The following BPTF variants were observed in gnomAD, a reference collection of about 807,000 sequenced individuals.
The protein encoded by BPTF is bromodomain PHD finger transcription factor, also known as nucleosome-remodeling factor subunit BPTF.
A neutral mutation model predicts 292.5 loss-of-function variants in BPTF; 18 were observed. That is an observed-to-expected ratio of 0.06 (90% CI 0.04 to 0.09). BPTF has a LOEUF of 0.09. Among genes scored for constraint, BPTF ranks in the 10% least tolerant of loss-of-function variants. BPTF has a pLI of 1.00. For missense variants in BPTF, 2,726 were observed against 3,498.7 expected (o/e 0.78, Z 5.57); for synonymous variants, 1,225 against 1,251.9 (o/e 0.98, Z 0.45).
rs2070561460 is a variant in BPTF at position 67,982,736 on chromosome 17, T to C, written c.*448T>C. ...TTGCTGCCCTCATTTGTCAGCTAATTATTTTTTCTTATAAAATCCAGCCCC... is the reference window on the plus strand; with the variant it reads ...TTGCTGCCCTCATTTGTCAGCTAATCATTTTTTCTTATAAAATCCAGCCCC... On this transcript the variant is annotated 3_prime_UTR_variant, in exon 28 of 28. Transcript: ENST00000306378. The C allele has an allele frequency of 6.5e-6, 1 of 153,466 alleles. No homozygotes were observed. The highest frequency in any genetic ancestry group is 6.5e-5 in the Admixed American group (1 of 15,326). 9.5% of individuals were successfully genotyped at this position (153,466 alleles called of 1,614,324 possible).
chr17:67,950,169 C>A (rs945079328), intron 23 of BPTF, among the ~76,000 whole-genome samples: 19 of 151,208 alleles, frequency 1.3e-4, no homozygotes, highest in Non-Finnish European at 2.5e-4. Context: ...GAGGCCGAGG[C>A]GGGCAGATCA....
intron 5 of BPTF, among the ~76,000 whole-genome samples, chr17:67,892,568 A>G (rs1409637659): frequency 6.6e-6 from 1 of 152,226 alleles, no homozygotes; most frequent in East Asian, 1.9e-4. Context: ...TGGTGACAGG[A>G]CATGGTCCCA....
At chr17:67,864,196 A>G (rs553689719) in intron 2 of BPTF, among the ~76,000 whole-genome samples, 2 of 152,204 alleles carry the variant, frequency 1.3e-5, no homozygotes, top group Non-Finnish European at 2.9e-5. Flanking sequence ...TTTTGATTAT[A>G]TAAACTGTAT....
chr17:67,855,917 C>T (rs1474811896), intron 2 of BPTF, among the ~76,000 whole-genome samples: 18 of 152,200 alleles, frequency 1.2e-4, no homozygotes, highest in Non-Finnish European at 4.4e-5. Flanking sequence ...TGGAAGCTTA[C>T]GGAATCTTCG....
rs1443545883 is a variant in BPTF at position 67,982,296 on chromosome 17, C to T, written c.*8C>T. On this transcript the variant is annotated 3_prime_UTR_variant, in exon 28 of 28. Coordinates refer to ENST00000306378, the MANE Select transcript of BPTF (RefSeq NM_182641.4). ...CAGTCTACAGCTTCTTAAAGTTCAGCGTGTTAACCTAACATAAAACACAGC... is the reference window on the plus strand; with the variant it reads ...CAGTCTACAGCTTCTTAAAGTTCAGTGTGTTAACCTAACATAAAACACAGC... The T allele has an allele frequency of 3.7e-6, 6 of 1,606,642 alleles. No individual in the cohort carries two copies. The highest frequency in any genetic ancestry group is 2.7e-5 in the African/African-American group (2 of 74,698).
intron 1 of BPTF, 47 bp downstream of exon 1, chr17:67,826,384 G>A: frequency 6.5e-7 from 1 of 1,538,184 alleles, no homozygotes. Flanking sequence ...CACCTCCTCT[G>A]CCCTCCCCCC....
At position 67,983,300 on chromosome 17, in the gene BPTF, C is replaced by T. The variant is rs543788915; in HGVS notation, c.*1012C>T. The T allele has an allele frequency of 1.3e-5, 2 of 152,622 alleles. No homozygotes were observed. The highest frequency in any genetic ancestry group is 4.8e-5 in the African/African-American group (2 of 41,436). The allele number at this position is 152,622 out of a possible 1,614,324, so 9.5% of individuals were successfully genotyped here. On this transcript the variant is annotated 3_prime_UTR_variant, in exon 28 of 28. Coordinates refer to ENST00000306378, the MANE Select transcript of BPTF (RefSeq NM_182641.4). Reference sequence around the variant, plus strand: ...GGCCCCTCGTTTTATCATTCCCAGTCCATTGTCATCACGTCAGAGAAAAAT... The same window carrying T: ...GGCCCCTCGTTTTATCATTCCCAGTTCATTGTCATCACGTCAGAGAAAAAT...
intron 1 of BPTF, among the ~76,000 whole-genome samples, chr17:67,833,245 C>CTTTTTT (rs530573535): frequency 1.4e-5 from 2 of 143,268 alleles, no homozygotes. Flanking sequence ...GCTATACAGC[C>CTTTTTT]TTTTTTTTTT....
intron 9 of BPTF, among the ~76,000 whole-genome samples, chr17:67,906,850 C>G (rs1019848802): frequency 2.0e-5 from 3 of 152,080 alleles, no homozygotes; most frequent in African/African-American, 7.2e-5. Context: ...ATATACCTTG[C>G]TAGGTCCTTG....
chr17:67,848,335 C>T (rs1300316429), intron 1 of BPTF, among the ~76,000 whole-genome samples: 1 of 152,032 alleles, frequency 6.6e-6, no homozygotes, highest in African/African-American at 2.4e-5. Context: ...TTTTTAGTTG[C>T]TACAATAACT....
In BPTF at chr17:67,825,572, G is replaced by C. The variant is rs2055907860; in HGVS notation, c.-153G>C. On this transcript the variant is annotated 5_prime_UTR_variant, in exon 1 of 28. Transcript: ENST00000306378. ...ATCCGGAGTGGGGCCCCAGCAATTC[G>C]GATTGAGCCTTCTCCCTCCACCCGC... 2 of 428,422 alleles carry C rather than the reference G, an allele frequency of 4.7e-6. No individual in the cohort carries two copies. Among genetic ancestry groups the C allele is most frequent in the Non-Finnish European group, 8.9e-6 (2 of 224,302 alleles). 26.5% of individuals were successfully genotyped at this position (428,422 alleles called of 1,614,324 possible).
chr17:67,906,444 C>T (rs1378543722), intron 9 of BPTF, among the ~76,000 whole-genome samples: 1 of 152,184 alleles, frequency 6.6e-6, no homozygotes, highest in African/African-American at 2.4e-5. Context: ...AATCACCGAA[C>T]TCTATAGAGA....
chr17:67,959,888 T>C lies in BPTF; in HGVS notation c.8261+13T>C. ...ATGATGAATCTAAGTGAGTAGATCT[T>C]TTTGAGCTCTAGTTTTTTGTCTTGA... is the stretch of plus-strand genomic sequence containing the variant. On this transcript the variant is annotated intron_variant, in intron 24 of 27. Transcript: ENST00000306378. The C allele has an allele frequency of 1.3e-6, 2 of 1,492,802 alleles. No individual in the cohort carries two copies. The highest frequency in any genetic ancestry group is 1.8e-6 in the Non-Finnish European group (2 of 1,117,404). 92.5% of individuals were successfully genotyped at this position (1,492,802 alleles called of 1,614,324 possible). A position where few individuals can be genotyped will look rare whatever the true frequency, so the allele number is the denominator to read the frequency against.
rs186745438 is a variant in BPTF, at chr17:67,964,413, C to T, written c.8454+9C>T. On this transcript the variant is annotated intron_variant, in intron 25 of 27. Transcript: ENST00000306378. ...TGCTCCGTTCCTTACAGGTGAGACC[C>T]CTCTGTGTGCAGCATTTCAAAATGA... 4 of 1,593,726 alleles carry T rather than the reference C, an allele frequency of 2.5e-6. No homozygotes were observed. The African/African-American group carries it at 5.4e-5, about 21-fold the overall frequency.
At position 67,947,820 on chromosome 17, in the gene BPTF, G is replaced by GC; in HGVS notation, c.7700+13dup. ...GAAGAGAATCAAAGGTAGGGGAGAC[G>GC]CAGGGTCTTGTTGTCTGTCCGTCTC... is the stretch of plus-strand genomic sequence containing the variant. On this transcript the variant is annotated intron_variant, in intron 22 of 27. Coordinates refer to ENST00000306378, the MANE Select transcript of BPTF (RefSeq NM_182641.4). 6.4e-7 allele frequency: 1 copy of GC among 1,550,530 alleles called. No individual in the cohort carries two copies. The highest frequency in any genetic ancestry group is 8.7e-7 in the Non-Finnish European group (1 of 1,146,076).
intron 1 of BPTF, among the ~76,000 whole-genome samples, chr17:67,829,167 G>GTT (rs946247374): frequency 7.2e-6 from 1 of 138,916 alleles, no homozygotes; most frequent in African/African-American, 2.6e-5. Context: ...ATCAGTGAAT[G>GTT]TTTTTTTTTT....
At chr17:67,865,878 G>A (rs1352766775) in intron 2 of BPTF, among the ~76,000 whole-genome samples, 1 of 152,180 alleles carries the variant, frequency 6.6e-6, no homozygotes, top group Non-Finnish European at 1.5e-5. Flanking sequence ...GAAGAGGGAT[G>A]AGATATTATT....
chr17:67,878,910 G>T (rs1034655977), intron 4 of BPTF, among the ~76,000 whole-genome samples: 1 of 152,016 alleles, frequency 6.6e-6, no homozygotes. Flanking sequence ...ATAACTTGTT[G>T]TGATGTATTT....
At chr17:67,864,546 GGAAAA>G (rs2059283167) in intron 2 of BPTF, among the ~76,000 whole-genome samples, 3 of 142,678 alleles carry the variant, frequency 2.1e-5, no homozygotes, top group African/African-American at 7.8e-5. Flanking sequence ...AAAAAAAAAA[GGAAAA>G]GAAAAAAGTT....
Sources: allele counts gnomAD v4.1 joint callset (sites outside exome capture counted in the v4.1 genomes callset), GRCh38; gene constraint gnomAD v4.1.1; transcripts MANE v1.5; gene names NCBI Gene and HGNC (gene_info 2026-07-23, HGNC 2026-07-21).